ST3GAL3: variants seen among roughly 807,000 people sequenced by gnomAD.
ST3GAL3 encodes CMP-N-acetylneuraminate-beta-1,4-galactoside alpha-2,3-sialyltransferase.
ST3GAL3 carries 21 observed loss-of-function variants against 50.1 expected under a neutral mutation model. The ratio of observed to expected loss-of-function variants is 0.42; its 90% confidence interval spans 0.30 to 0.60. The LOEUF is 0.60. Ranked by LOEUF, ST3GAL3 falls within the 20% of genes least tolerant of loss-of-function variation. The probability of loss-of-function intolerance (pLI) is 0.19; values close to 1 mark genes in which losing one functional copy is unlikely to be tolerated. For synonymous variants in ST3GAL3, 183 were observed against 190.0 expected, an observed-to-expected ratio of 0.96 and a Z score of 0.30; for missense variants, 353 against 489.4, an observed-to-expected ratio of 0.72 and a Z score of 2.63.
At chr1:43,724,235 G>C (rs1005028884) in intron 1 of ST3GAL3, among the ~76,000 whole-genome samples, 8 of 151,730 alleles carry the variant, frequency 5.3e-5, no homozygotes, top group African/African-American at 1.9e-4. Context: ...TTTTGAGATA[G>C]GGTCTCACTT....
chr1:43,838,375 T>C (rs1169159482), intron 5 of ST3GAL3, 64 bp downstream of exon 5: 17 of 1,438,486 alleles, frequency 1.2e-5, no homozygotes, highest in Non-Finnish European at 1.5e-5. Flanking sequence ...AGCCAGAAAC[T>C]CTGCCTCTCA....
chr1:43,895,806 C>T (rs547083984), intron 6 of ST3GAL3, among the ~76,000 whole-genome samples: 1 of 152,300 alleles, frequency 6.6e-6, no homozygotes, highest in East Asian at 1.9e-4. Flanking sequence ...CCACTCTTCT[C>T]TCTTGAATCT....
chr1:43,900,293 A>G (rs1021400013), intron 9 of ST3GAL3, among the ~76,000 whole-genome samples: 4 of 152,212 alleles, frequency 2.6e-5, no homozygotes, highest in Admixed American at 6.5e-5. Context: ...TACTTTTACC[A>G]CTGACTTATA....
chr1:43,814,435 T>C (rs2060996165), intron 3 of ST3GAL3, among the ~76,000 whole-genome samples: 1 of 152,242 alleles, frequency 6.6e-6, no homozygotes, highest in Admixed American at 6.5e-5. Flanking sequence ...TTCTTTATGA[T>C]GACCATGAAG....
Position 43,930,373 on chromosome 1 carries a change from C to T in ST3GAL3, c.*152C>T. On this transcript the variant is annotated 3_prime_UTR_variant, in exon 12 of 12. Transcript: ENST00000347631. ...TGGAGCAGCCAGAGCTGTGCCTGCT[C>T]AGCAGCCAGTCTCAGAGACCAGCAC... 1 of 743,532 alleles carries T rather than the reference C, an allele frequency of 1.3e-6. No individual in the cohort carries two copies. Among genetic ancestry groups the T allele is most frequent in the Admixed American group, 2.0e-5 (1 of 50,332 alleles). The allele number at this position is 743,532 out of a possible 1,614,324, so 46.1% of individuals were successfully genotyped here.
At chr1:43,712,349 G>A (rs1209708398) in intron 1 of ST3GAL3, among the ~76,000 whole-genome samples, 4 of 152,066 alleles carry the variant, frequency 2.6e-5, no homozygotes, top group Non-Finnish European at 4.4e-5. Flanking sequence ...GCATCCCTAC[G>A]ATCTCTTATT....
At chr1:43,814,455 A>G (rs988231853) in intron 3 of ST3GAL3, among the ~76,000 whole-genome samples, 1 of 152,210 alleles carries the variant, frequency 6.6e-6, no homozygotes, top group Non-Finnish European at 1.5e-5. Flanking sequence ...GAGAATTGGC[A>G]TGGATTTGGG....
intron 11 of ST3GAL3, 43 bp from the exon 12 acceptor site, chr1:43,930,089 G>A: frequency 6.3e-7 from 1 of 1,586,632 alleles, no homozygotes; most frequent in South Asian, 1.1e-5. Flanking sequence ...GGCAGTAAAG[G>A]TTTGAGCAAA....
intron 1 of ST3GAL3, among the ~76,000 whole-genome samples, chr1:43,710,528 C>T (rs796921241): frequency 2.6e-5 from 4 of 152,342 alleles, no homozygotes; most frequent in African/African-American, 9.6e-5. Flanking sequence ...TGTCACTTCT[C>T]CAGCCAGGAC....
intron 9 of ST3GAL3, among the ~76,000 whole-genome samples, chr1:43,917,488 TAATA>T (rs1372413889): frequency 1.6e-4 from 7 of 43,782 alleles, no homozygotes; most frequent in South Asian, 8.1e-4. Context: ...ATATAATATA[TAATA>T]TATATAATAT....
chr1:43,857,505 T>C (rs1383028688), intron 5 of ST3GAL3, among the ~76,000 whole-genome samples: 1 of 113,712 alleles, frequency 8.8e-6, no homozygotes, highest in South Asian at 3.3e-4. Context: ...CCTTCCCTCT[T>C]CCTTCCTTCC....
intron 2 of ST3GAL3, chr1:43,772,549 G>C (rs1695677650): frequency 6.6e-6 from 1 of 152,212 alleles, no homozygotes; most frequent in South Asian, 2.1e-4. Flanking sequence ...TTTGAGACAG[G>C]TTCTCACTCT....
chr1:43,895,741 T>C (rs2077298764), intron 6 of ST3GAL3, among the ~76,000 whole-genome samples: 1 of 152,168 alleles, frequency 6.6e-6, no homozygotes, highest in Admixed American at 6.5e-5. Context: ...AATCTAATGG[T>C]TGGGTTAAAC....
intron 5 of ST3GAL3, among the ~76,000 whole-genome samples, chr1:43,880,246 C>T (rs2074877701): frequency 1.3e-5 from 2 of 152,194 alleles, no homozygotes; most frequent in African/African-American, 4.8e-5. Context: ...TGTGACTTAC[C>T]ATGGTGACTG....
In ST3GAL3 at chr1:43,876,827, T is replaced by A. The variant is rs72684760; in HGVS notation, c.303-17556T>A. On this transcript the variant is annotated intron_variant, in intron 5 of 11. Coordinates refer to ENST00000347631, the MANE Select transcript of ST3GAL3 (RefSeq NM_006279.5). ...TCCCTATCCAGTGGGCAGGGCCCAT[T>A]GTTGTAGCTATTCATTCATTCATTC... is the stretch of plus-strand genomic sequence containing the variant. Among the ~76,000 whole-genome samples, 681 of 152,298 alleles carry A rather than the reference T, an allele frequency of 4.5e-3. 3 individuals are homozygous for A. Among genetic ancestry groups the A allele is most frequent in the Non-Finnish European group, 7.5e-3 (507 of 68,014 alleles).
chr1:43,734,433 T>A (rs1677449744), intron 1 of ST3GAL3, among the ~76,000 whole-genome samples: 1 of 151,454 alleles, frequency 6.6e-6, no homozygotes, highest in African/African-American at 2.4e-5. Context: ...GCTTCCTGGG[T>A]AGCTAGGACC....
In ST3GAL3 at chr1:43,894,368, C is replaced by T. The variant is rs769472996; in HGVS notation, c.303-15C>T. The T allele has an allele frequency of 1.2e-6, 2 of 1,613,392 alleles. No individual in the cohort carries two copies. The highest frequency in any genetic ancestry group is 2.2e-5 in the South Asian group (2 of 91,064). On this transcript the variant is annotated splice_polypyrimidine_tract_variant and intron_variant, in intron 5 of 11. Coordinates refer to ENST00000347631, the MANE Select transcript of ST3GAL3 (RefSeq NM_006279.5). Reference sequence around the variant, plus strand: ...TTGCGTTTTTGTGATCCTCAGCAGTCCTGTTATATTCCAGGTTCTCCAAGC... The same window carrying T: ...TTGCGTTTTTGTGATCCTCAGCAGTTCTGTTATATTCCAGGTTCTCCAAGC...
At chr1:43,810,917 AC>A (rs1382687122) in intron 3 of ST3GAL3, among the ~76,000 whole-genome samples, 2 of 149,630 alleles carry the variant, frequency 1.3e-5, no homozygotes, top group African/African-American at 5.1e-5. Context: ...ACTTTCGGTC[AC>A]CCCTGAGACC....
chr1:43,918,526 G>C (rs2082470520), intron 9 of ST3GAL3, among the ~76,000 whole-genome samples: 1 of 152,096 alleles, frequency 6.6e-6, no homozygotes, highest in African/African-American at 2.4e-5. Context: ...AATCTCATTT[G>C]TTCCCATAAC....
Sources: gnomAD v4.1 joint callset for allele counts (sites outside exome capture counted in the v4.1 genomes callset) on GRCh38, gnomAD v4.1.1 for gene constraint, MANE v1.5 for transcripts, NCBI Gene and HGNC (gene_info 2026-07-23, HGNC 2026-07-21) for gene names.